Variants in AS3MT observed in about 807,000 individuals in gnomAD.
AS3MT encodes arsenite methyltransferase.
In AS3MT, 47 loss-of-function variants were observed where a neutral mutation model predicts 45.3. That is an observed-to-expected ratio of 1.04 (90% CI 0.82 to 1.32). The LOEUF (loss-of-function observed/expected upper bound fraction) is 1.32. Among genes scored for constraint, AS3MT ranks in the 40% most tolerant of loss-of-function variants. The pLI is 0.00. For synonymous variants in AS3MT, 141 were observed against 152.8 expected (o/e 0.92, Z 0.57); for missense variants, 396 against 451.1 (o/e 0.88, Z 1.11).
At chr10:102,895,058 G>T (rs1370430412) in intron 10 of AS3MT, among the ~76,000 whole-genome samples, 1 of 152,196 alleles carries the variant, frequency 6.6e-6, no homozygotes, top group African/African-American at 2.4e-5. Flanking sequence ...ATCTTTTTAA[G>T]TATTTTAGAG....
At position 102,878,713 on chromosome 10, in the gene AS3MT, G is replaced by A. The variant is rs1357361209; in HGVS notation, c.743-136G>A. 1.3e-5 allele frequency: 17 copies of A among 1,326,650 alleles called. No individual in the cohort carries two copies. The East Asian group carries it at 3.9e-4, about 30-fold the overall frequency. The allele number at this position is 1,326,650 out of a possible 1,614,324, so 82.2% of individuals were successfully genotyped here. On this transcript the variant is annotated intron_variant, in intron 8 of 10. Coordinates refer to ENST00000369880, the MANE Select transcript of AS3MT (RefSeq NM_020682.4). Reference sequence around the variant, plus strand: ...ACTTTGAAGTCATTCAGTAAATAGAGTGAAGTGCTCAGAAAGATAACTGAT... The same window carrying A: ...ACTTTGAAGTCATTCAGTAAATAGAATGAAGTGCTCAGAAAGATAACTGAT...
In AS3MT at chr10:102,901,849, T is replaced by G. The variant is rs974387724; in HGVS notation, c.*1149T>G. On this transcript the variant is annotated 3_prime_UTR_variant, in exon 11 of 11. Coordinates refer to ENST00000369880, the MANE Select transcript of AS3MT (RefSeq NM_020682.4). ...TTTGAGGTAGCTTTTGAACAAATGT[T>G]TTTTTCTTTTTTCTTTTTTTTTGCA... 6.6e-6 allele frequency: 1 copy of G among 152,092 alleles called. No individual in the cohort carries two copies. The highest frequency in any genetic ancestry group is 2.4e-5 in the African/African-American group (1 of 41,442). The allele number at this position is 152,092 out of a possible 1,614,324, so 9.4% of individuals were successfully genotyped here. A position where few individuals can be genotyped will look rare whatever the true frequency, so the allele number is the denominator to read the frequency against.
intron 10 of AS3MT, among the ~76,000 whole-genome samples, chr10:102,899,800 T>C (rs1161593164): frequency 6.6e-6 from 1 of 151,928 alleles, no homozygotes; most frequent in African/African-American, 2.4e-5. Flanking sequence ...CCCGAGTAGC[T>C]GAGACTACAG....
At chr10:102,877,486 ATTC>A (rs1225020308) in intron 7 of AS3MT, among the ~76,000 whole-genome samples, 2 of 150,418 alleles carry the variant, frequency 1.3e-5, no homozygotes, top group Non-Finnish European at 3.0e-5. Context: ...AAAAGTTCTT[ATTC>A]TTAAAATAAT....
chr10:102,896,065 C>T (rs1343754703), intron 10 of AS3MT, among the ~76,000 whole-genome samples: 8 of 151,660 alleles, frequency 5.3e-5, no homozygotes, highest in Admixed American at 2.0e-4. Flanking sequence ...CATGAGCCAC[C>T]GTGCCCGGCC....
intron 9 of AS3MT, among the ~76,000 whole-genome samples, chr10:102,888,725 CTT>C (rs144662567): frequency 0.092 from 13,923 of 151,634 alleles, 851 homozygotes; most frequent in East Asian, 0.28. Flanking sequence ...CTGGCCCTGT[CTT>C]TTCTTTATGT....
chr10:102,875,642 A>T (rs1014769909), intron 6 of AS3MT, among the ~76,000 whole-genome samples: 5 of 148,582 alleles, frequency 3.4e-5, no homozygotes, highest in Admixed American at 6.7e-5. Flanking sequence ...TTTTTTTTTG[A>T]GATGGAGTCT....
At chr10:102,878,271 T>A (rs1011436272) in intron 7 of AS3MT, 108 bp from the exon 8 acceptor site, 21 of 1,439,244 alleles carry the variant, frequency 1.5e-5, no homozygotes, top group Non-Finnish European at 1.9e-5. Context: ...CTAGGATCTA[T>A]GTTTTAACTA....
chr10:102,871,069 C>T (rs377735062), intron 3 of AS3MT, among the ~76,000 whole-genome samples: 2 of 152,110 alleles, frequency 1.3e-5, no homozygotes, highest in Non-Finnish European at 2.9e-5. Flanking sequence ...CATAGTGAAA[C>T]CCTGTCTCTA....
In AS3MT at chr10:102,878,948, G is replaced by A; in HGVS notation, c.842G>A (p.Gly281Glu). 6.2e-7 allele frequency: 1 copy of A among 1,613,566 alleles called. No homozygotes were observed. Among genetic ancestry groups the A allele is most frequent in the Middle Eastern group, 1.7e-4 (1 of 6,060 alleles). Reference sequence around the variant, plus strand: ...GTTATTTACAATGGAGGAATTACAGGACATGAAAAAGAACTAATGTTTGAT... The same window carrying A: ...GTTATTTACAATGGAGGAATTACAGAACATGAAAAAGAACTAATGTTTGAT... Reference protein sequence around the residue: ...CQVIYNGGITGHEKELMFDAN... With the variant: ...CQVIYNGGITEHEKELMFDAN... The change falls in exon 9 of 11, where the codon GGA becomes GAA. Residue 281 changes from glycine to glutamate, a missense_variant. Gly to Glu is a moderately conservative substitution (Grantham distance 98, BLOSUM62 -2). Transcript: ENST00000369880.
chr10:102,876,827 C>G, intron 6 of AS3MT, 127 bp from the exon 7 acceptor site: 1 of 926,004 alleles, frequency 1.1e-6, no homozygotes, highest in South Asian at 1.6e-5. Flanking sequence ...TATTTGTTCA[C>G]AAAGGGTCAG....
intron 10 of AS3MT, among the ~76,000 whole-genome samples, chr10:102,895,151 A>G (rs1472965869): frequency 6.6e-6 from 1 of 151,728 alleles, no homozygotes; most frequent in Non-Finnish European, 1.5e-5. Context: ...CTTCAATAAC[A>G]TACTAAAATT....
chr10:102,870,054 C>T (rs747575153), intron 2 of AS3MT, 30 bp from the exon 3 acceptor site: 2 of 1,611,556 alleles, frequency 1.2e-6, no homozygotes, highest in Non-Finnish European at 8.5e-7. Flanking sequence ...CCCTCTCTAC[C>T]CCTCACTCCA....
intron 9 of AS3MT, among the ~76,000 whole-genome samples, chr10:102,879,975 G>T (rs372782298): frequency 6.1e-4 from 92 of 151,926 alleles, no homozygotes; most frequent in African/African-American, 1.9e-3. Context: ...AAATATTTCA[G>T]CATGCGTCCC....
chr10:102,889,657 T>TTCCTTCCTTCCG, intron 9 of AS3MT, among the ~76,000 whole-genome samples: 1 of 137,286 alleles, frequency 7.3e-6, no homozygotes, highest in African/African-American at 2.6e-5. Context: ...TCTTCCTTCC[T>TTCCTTCCTTCCG]TCCTTCCCTT....
In AS3MT at chr10:102,873,145, TTCCAGGCA is replaced by T. The variant is rs1430763436; in HGVS notation, c.373_380del (p.Gln125Ter). On this transcript the variant is annotated frameshift_variant, in exon 5 of 11. Transcript: ENST00000369880. LOFTEE classifies it high-confidence loss of function. ...TGACTATCACATGGAAAAATATGGC[TTCCAGGCA>T]TCTAATGTGACTTTTATTCATGGCT... 1.7e-5 allele frequency: 27 copies of T among 1,608,582 alleles called. No homozygotes were observed. Among genetic ancestry groups the T allele is most frequent in the Non-Finnish European group, 2.2e-5 (26 of 1,178,504 alleles).
In AS3MT at chr10:102,879,010, A is replaced by G. The variant is rs781697893; in HGVS notation, c.885+19A>G. ...ATTTAAGGTAAATAAAACAATTTCC[A>G]TGACTTCTGGTATTCTTTCTGCTCT... is the stretch of plus-strand genomic sequence containing the variant. On this transcript the variant is annotated intron_variant, in intron 9 of 10. Coordinates refer to ENST00000369880, the MANE Select transcript of AS3MT (RefSeq NM_020682.4). The G allele has an allele frequency of 8.7e-6, 14 of 1,606,404 alleles. No individual in the cohort carries two copies. The Admixed American group carries it at 2.0e-4, about 23-fold the overall frequency.
At chr10:102,869,677 C>T (rs373152293) in intron 1 of AS3MT, 84 bp downstream of exon 1, 2 of 1,603,780 alleles carry the variant, frequency 1.2e-6, no homozygotes, top group Admixed American at 1.7e-5. Flanking sequence ...GCGCCTCCCC[C>T]GAGCTGTGTC....
At chr10:102,896,503 G>A (rs746120868) in intron 10 of AS3MT, among the ~76,000 whole-genome samples, 2 of 151,694 alleles carry the variant, frequency 1.3e-5, no homozygotes, top group Admixed American at 6.6e-5. Flanking sequence ...CAAGCCACCT[G>A]TAGAGCTAAA....
Sources: allele counts gnomAD v4.1 joint callset (sites outside exome capture counted in the v4.1 genomes callset), GRCh38; gene constraint gnomAD v4.1.1; transcripts MANE v1.5; gene names NCBI Gene and HGNC (gene_info 2026-07-23, HGNC 2026-07-21).